ARHGEF37: variants seen among roughly 807,000 people sequenced by gnomAD.
The protein encoded by ARHGEF37 is Rho guanine nucleotide exchange factor 37, also known as Rho guanine nucleotide exchange factor (GEF) 37.
A neutral mutation model predicts 71.1 loss-of-function variants in ARHGEF37; 55 were observed. That is an observed-to-expected ratio of 0.77 (90% confidence interval 0.62 to 0.97). ARHGEF37 has a LOEUF of 0.97. Ranked by LOEUF, ARHGEF37 falls within the 50% of genes least tolerant of loss-of-function variation. The probability of loss-of-function intolerance (pLI) is 0.00; values close to 1 mark genes in which losing one functional copy is unlikely to be tolerated. For synonymous variants in ARHGEF37, 327 were observed against 350.6 expected (o/e 0.93, Z 0.75); for missense variants, 765 against 836.8 (o/e 0.91, Z 1.06).
intron 3 of ARHGEF37, among the ~76,000 whole-genome samples, chr5:149,604,429 C>G (rs561891016): frequency 1.3e-5 from 2 of 152,266 alleles, no homozygotes; most frequent in African/African-American, 4.8e-5. Flanking sequence ...ATTCCTCTCT[C>G]CCCTGCAACT....
intron 1 of ARHGEF37, among the ~76,000 whole-genome samples, chr5:149,564,683 G>A (rs1360132068): frequency 6.6e-6 from 1 of 152,140 alleles, no homozygotes; most frequent in Non-Finnish European, 1.5e-5. Context: ...AGTTAGCTGG[G>A]CGTGGTGGTG....
intron 3 of ARHGEF37, chr5:149,606,725 A>T (rs1763923171): frequency 1.3e-5 from 2 of 152,180 alleles, no homozygotes; most frequent in South Asian, 4.1e-4. Context: ...AGCGTATATG[A>T]TGCTAAAATT....
chr5:149,625,218 A>T (rs546972768), intron 10 of ARHGEF37, among the ~76,000 whole-genome samples: 82 of 152,212 alleles, frequency 5.4e-4, no homozygotes, highest in African/African-American at 1.8e-3. Flanking sequence ...AATGCTTTTT[A>T]AAAAATGTAT....
Position 149,616,723 on chromosome 5 carries a change from C to T in ARHGEF37, c.615C>T (p.Asp205=), listed in dbSNP as rs768611506. 168 of 1,613,286 alleles carry T rather than the reference C, an allele frequency of 1.0e-4. No homozygotes were observed. The highest frequency in any genetic ancestry group is 1.6e-4 in the Middle Eastern group (1 of 6,080). The change falls in exon 5 of 13, where the codon GAC becomes GAT. Residue 205 remains aspartate, a synonymous_variant. Transcript: ENST00000333677. ...AGAGGGCTGTCTCTGCCCTCCAGGA[C>T]GTGAACACCAATATCAATGAGTACA... ...VLQRAVSALQ[D]VNTNINEYKM... is the part of the protein sequence containing the mutation.
chr5:149,585,828 C>A (rs1763220303), intron 1 of ARHGEF37, among the ~76,000 whole-genome samples: 1 of 152,196 alleles, frequency 6.6e-6, no homozygotes, highest in Non-Finnish European at 1.5e-5. Flanking sequence ...CTGTATTTTT[C>A]ATTTTACATA....
At chr5:149,590,717 C>G (rs1763380740) in intron 1 of ARHGEF37, among the ~76,000 whole-genome samples, 1 of 151,952 alleles carries the variant, frequency 6.6e-6, no homozygotes, top group Non-Finnish European at 1.5e-5. Flanking sequence ...CCACCTCAGA[C>G]TCCAGAGTAG....
intron 11 of ARHGEF37, 107 bp downstream of exon 11, chr5:149,627,378 C>A: frequency 7.8e-7 from 1 of 1,287,262 alleles, no homozygotes; most frequent in Non-Finnish European, 1.1e-6. Context: ...GCTGGGCATT[C>A]CAGGATGGGA....
intron 1 of ARHGEF37, among the ~76,000 whole-genome samples, chr5:149,564,722 G>T (rs1212439900): frequency 1.3e-5 from 2 of 152,114 alleles, no homozygotes; most frequent in Admixed American, 1.3e-4. Flanking sequence ...TACTCAAGAG[G>T]CTGAAGCAGG....
intron 11 of ARHGEF37, among the ~76,000 whole-genome samples, chr5:149,627,864 G>C (rs1289049983): frequency 6.6e-6 from 1 of 152,182 alleles, no homozygotes. Flanking sequence ...AGGGGTGCCT[G>C]AGATTATTGT....
intron 1 of ARHGEF37, among the ~76,000 whole-genome samples, chr5:149,596,201 G>A (rs1184918630): frequency 6.6e-6 from 1 of 152,130 alleles, no homozygotes; most frequent in Non-Finnish European, 1.5e-5. Flanking sequence ...TCCCTTACAA[G>A]ATCTGTCATG....
At chr5:149,598,035 C>T in intron 2 of ARHGEF37, 80 bp downstream of exon 2, 3 of 1,462,562 alleles carry the variant, frequency 2.1e-6, no homozygotes, top group Non-Finnish European at 2.7e-6. Context: ...TCATCCATTC[C>T]TGGGGCAAGC....
At chr5:149,570,875 CA>C (rs1010514695) in intron 1 of ARHGEF37, among the ~76,000 whole-genome samples, 175 of 129,774 alleles carry the variant, frequency 1.3e-3, no homozygotes, top group Admixed American at 1.6e-3. Context: ...GACTCCATCT[CA>C]AAAAAAAAAA....
At position 149,622,013 on chromosome 5, in the gene ARHGEF37, G is replaced by A; in HGVS notation, c.1286G>A (p.Arg429Lys). Residue 429 changes from arginine to lysine, a missense_variant, in exon 9 of 13, where the codon AGG (arginine) becomes AAG (lysine). By Grantham distance (26) the Arg-to-Lys change is conservative. Around this residue, in one of 5 missense-constraint regions of ARHGEF37, gnomAD observed 390 missense variants for 407.4 expected, o/e 0.96. Coordinates refer to ENST00000333677, the MANE Select transcript of ARHGEF37 (RefSeq NM_001001669.3). ...ATGTGCACATTCGTGACCCTCCAGA[G>A]GGACCTTGCAAAGCAAGTGCTGCAG... ...QIMCTFVTLQ[R>K]DLAKQVLQRA... 1 of 1,614,012 alleles carries A rather than the reference G, an allele frequency of 6.2e-7. No homozygotes were observed. The highest frequency in any genetic ancestry group is 8.5e-7 in the Non-Finnish European group (1 of 1,179,918).
chr5:149,579,235 CAT>C (rs1763061838), upstream of ARHGEF37, among the ~76,000 whole-genome samples: 1 of 152,142 alleles, frequency 6.6e-6, no homozygotes, highest in Non-Finnish European at 1.5e-5. Context: ...TGGTCAGGCA[CAT>C]ACACACTTTA....
At position 149,593,050 on chromosome 5, in the gene ARHGEF37, G is replaced by A. The variant is rs79320119; in HGVS notation, c.-11-4709G>A. Among the ~76,000 whole-genome samples the A allele has an allele frequency of 5.3e-5, 8 of 152,320 alleles. No individual in the cohort carries two copies. The East Asian group carries it at 1.3e-3, about 26-fold the overall frequency. On this transcript the variant is annotated intron_variant, in intron 1 of 12. Coordinates refer to ENST00000333677, the MANE Select transcript of ARHGEF37 (RefSeq NM_001001669.3). ...CTTCCAAAGTGCTGAGATTACAGGT[G>A]TAAGCCGCTGTACCCAGGCATTTTA...
intron 1 of ARHGEF37, among the ~76,000 whole-genome samples, chr5:149,583,143 T>C (rs1763150140): frequency 6.6e-6 from 1 of 151,316 alleles, no homozygotes; most frequent in South Asian, 2.1e-4. Flanking sequence ...TGTTTTTTCT[T>C]TGTTTGTTTG....
At position 149,616,760 on chromosome 5, in the gene ARHGEF37, G is replaced by A; in HGVS notation, c.652G>A (p.Glu218Lys). Residue 218 changes from glutamate to lysine, a missense_variant, in exon 5 of 13, where the codon GAA becomes AAA. Glu to Lys is a moderately conservative substitution (Grantham distance 56, BLOSUM62 1). This residue lies in a region of ARHGEF37 where 167 missense variants were observed against 173.3 expected (regional missense o/e 0.96). Coordinates refer to ENST00000333677, the MANE Select transcript of ARHGEF37 (RefSeq NM_001001669.3). ...TNINEYKMRK[E>K]VASKYTKVEQ... ...TATCAATGAGTACAAGATGCGCAAG[G>A]AAGTGGGTAAGGACTTGGGCATTTA... 6.3e-7 allele frequency: 1 copy of A among 1,599,824 alleles called. No homozygotes were observed. The highest frequency in any genetic ancestry group is 2.2e-5 in the East Asian group (1 of 44,496).
chr5:149,590,786 A>C (rs547080395), intron 1 of ARHGEF37, among the ~76,000 whole-genome samples: 10 of 152,016 alleles, frequency 6.6e-5, no homozygotes, highest in African/African-American at 2.4e-4. Flanking sequence ...TTTTATAGAG[A>C]TGGGGTTTCA....
chr5:149,571,769 A>C (rs1762968394), intron 1 of ARHGEF37, among the ~76,000 whole-genome samples: 2 of 151,986 alleles, frequency 1.3e-5, no homozygotes, highest in South Asian at 4.2e-4. Context: ...AAAAATAAAA[A>C]GTTAGCTGGG....
Sources: gnomAD v4.1 joint callset for allele counts (sites outside exome capture counted in the v4.1 genomes callset) on GRCh38, gnomAD v4.1.1 for gene constraint, gnomAD v4.1.1 regional missense constraint, MANE v1.5 for transcripts, NCBI Gene and HGNC (gene_info 2026-07-23, HGNC 2026-07-21) for gene names.